Variants in ZFYVE16 observed in about 807,000 individuals in gnomAD.
ZFYVE16 encodes the protein zinc finger FYVE-type containing 16.
A neutral mutation model predicts 138.1 loss-of-function variants in ZFYVE16; 89 were observed. The ratio of observed to expected loss-of-function variants is 0.64; its 90% CI spans 0.54 to 0.77. ZFYVE16 has a LOEUF of 0.77. Ranked by LOEUF, ZFYVE16 falls within the 30% of genes least tolerant of loss-of-function variation. The probability of loss-of-function intolerance (pLI) is 0.00; values close to 1 mark genes in which losing one functional copy is unlikely to be tolerated. For synonymous variants in ZFYVE16, 596 were observed against 618.3 expected, an observed-to-expected ratio of 0.96 and a Z score of 0.53; for missense variants, 1,793 against 1,786.7, an observed-to-expected ratio of 1.00 and a Z score of -0.06.
intron 1 of ZFYVE16, among the ~76,000 whole-genome samples, chr5:80,419,771 G>C (rs1216412559): frequency 6.6e-6 from 1 of 151,992 alleles, no homozygotes; most frequent in African/African-American, 2.4e-5. Flanking sequence ...CAAGAATCTA[G>C]AGATCAGGTT....
chr5:80,422,206 T>C (rs979680534), intron 1 of ZFYVE16, among the ~76,000 whole-genome samples: 9 of 152,174 alleles, frequency 5.9e-5, no homozygotes, highest in African/African-American at 2.2e-4. Flanking sequence ...GCTGAGACAA[T>C]AGGGTTTTCT....
chr5:80,456,000 C>G lies in ZFYVE16; in HGVS notation c.3690+226C>G, dbSNP rs185100. The G allele has an allele frequency of 0.85, 384,520 of 452,258 alleles. 168,195 individuals are homozygous for G. The highest frequency in any genetic ancestry group is 0.95 in the East Asian group (21,380 of 22,486). 28.0% of individuals were successfully genotyped at this position (452,258 alleles called of 1,614,324 possible). On this transcript the variant is annotated intron_variant, in intron 12 of 18. Coordinates refer to ENST00000505560, the MANE Select transcript of ZFYVE16 (RefSeq NM_001284236.3). ...TGTACGTGTACCTGATTCTAAGTGCCTTTTGATTCATTCTCCTGCAGTTCT... is the reference window on the plus strand; with the variant it reads ...TGTACGTGTACCTGATTCTAAGTGCGTTTTGATTCATTCTCCTGCAGTTCT...
chr5:80,428,819 C>A lies in ZFYVE16; in HGVS notation c.-40+1274C>A, dbSNP rs368587194. On this transcript the variant is annotated intron_variant, in intron 2 of 18. Coordinates refer to ENST00000505560, the MANE Select transcript of ZFYVE16 (RefSeq NM_001284236.3). ...AACTACATGACAAATGCACAAGCTT[C>A]AGTAGCCGATTCGATCAACTGGAAG... 4.6e-5 allele frequency among the ~76,000 whole-genome samples: 7 copies of A among 152,280 alleles called. No homozygotes were observed. The East Asian group carries it at 1.4e-3, about 29-fold the overall frequency.
chr5:80,433,150 C>T (rs1248459842), intron 2 of ZFYVE16, among the ~76,000 whole-genome samples: 13 of 152,192 alleles, frequency 8.5e-5, no homozygotes, highest in South Asian at 4.2e-4. Flanking sequence ...ATGTTTATTG[C>T]GGCACTACTC....
intron 1 of ZFYVE16, among the ~76,000 whole-genome samples, chr5:80,427,026 A>G (rs1317721471): frequency 6.7e-6 from 1 of 148,982 alleles, no homozygotes; most frequent in Non-Finnish European, 1.5e-5. Flanking sequence ...TTTTATGTTC[A>G]TTGGCCATAT....
intron 15 of ZFYVE16, among the ~76,000 whole-genome samples, chr5:80,461,644 CAGAG>C (rs1357497852): frequency 2.0e-5 from 3 of 152,142 alleles, no homozygotes; most frequent in African/African-American, 2.4e-5. Flanking sequence ...GTGTGACTCT[CAGAG>C]AGAGCTCCAG....
At chr5:80,448,527 C>G in intron 8 of ZFYVE16, 123 bp downstream of exon 8, 1 of 924,968 alleles carries the variant, frequency 1.1e-6, no homozygotes, top group Non-Finnish European at 1.4e-6. Flanking sequence ...AGGCTGGTAA[C>G]TTTTGTTTAC....
In ZFYVE16 at chr5:80,479,011, C is replaced by T. The variant is rs577814071; in HGVS notation, c.*1634C>T. 1 of 152,258 alleles carries T rather than the reference C, an allele frequency of 6.6e-6. No individual in the cohort carries two copies. The highest frequency in any genetic ancestry group is 2.1e-4 in the South Asian group (1 of 4,824). The allele number at this position is 152,258 out of a possible 1,614,324, so 9.4% of individuals were successfully genotyped here. On this transcript the variant is annotated 3_prime_UTR_variant, in exon 19 of 19. Coordinates refer to ENST00000505560, the MANE Select transcript of ZFYVE16 (RefSeq NM_001284236.3). Reference sequence around the variant, plus strand: ...GTATTCTGCCATGTAAGTAATTGAACAGTCTTAAAATAACCAAATGGTAGA... The same window carrying T: ...GTATTCTGCCATGTAAGTAATTGAATAGTCTTAAAATAACCAAATGGTAGA...
At chr5:80,413,283 C>A (rs1745714860) in intron 1 of ZFYVE16, among the ~76,000 whole-genome samples, 1 of 151,850 alleles carries the variant, frequency 6.6e-6, no homozygotes, top group East Asian at 1.9e-4. Context: ...ACCAGCCTGA[C>A]CAATATGGAG....
At chr5:80,417,515 TG>T (rs759688696) in intron 1 of ZFYVE16, among the ~76,000 whole-genome samples, 11 of 152,218 alleles carry the variant, frequency 7.2e-5, no homozygotes, top group Non-Finnish European at 1.5e-4. Flanking sequence ...TTTAAACCAC[TG>T]GCTATCATTG....
At chr5:80,475,773 TTCAGGTTGTCCACA>T (rs1274576653) in intron 18 of ZFYVE16, among the ~76,000 whole-genome samples, 3 of 152,238 alleles carry the variant, frequency 2.0e-5, no homozygotes, top group Admixed American at 2.0e-4. Context: ...TTGATAGACA[TTCAGGTTGTCCACA>T]ATATTTTGCT....
chr5:80,439,096 T>G, intron 4 of ZFYVE16, 89 bp downstream of exon 4: 1 of 1,291,956 alleles, frequency 7.7e-7, no homozygotes, highest in Non-Finnish European at 1.1e-6. Context: ...GAACAGATAA[T>G]TACAAGATTG....
chr5:80,465,400 G>GTTTTTTTTTTCTTTTTTTTTTTTTTTTT (rs1753601956), intron 15 of ZFYVE16, among the ~76,000 whole-genome samples: 1 of 26,780 alleles, frequency 3.7e-5, no homozygotes, highest in Non-Finnish European at 7.4e-5. Flanking sequence ...CCTTTTCTTT[G>GTTTTTTTTTTCTTTTTTTTTTTTTTTTT]TTTTTTTTTT....
Position 80,450,462 on chromosome 5 carries a change from C to T in ZFYVE16, c.3258C>T (p.Thr1086=). 3 of 1,613,378 alleles carry T rather than the reference C, an allele frequency of 1.9e-6. No individual in the cohort carries two copies. Among genetic ancestry groups the T allele is most frequent in the South Asian group, 2.2e-5 (2 of 91,034 alleles). The change falls in exon 10 of 19, where the codon ACC becomes ACT. Residue 1086 remains threonine, a synonymous_variant. Transcript: ENST00000505560. ...CAGACAAATATTGGTACTTTTCAAC[C>T]AATGGATTGCATGGCTTGGGACAGG... ...YSSDKYWYFS[T]NGLHGLGQAE...
upstream of ZFYVE16, among the ~76,000 whole-genome samples, chr5:80,407,715 T>C (rs115545606): frequency 2.0e-5 from 3 of 152,192 alleles, no homozygotes; most frequent in Non-Finnish European, 4.4e-5. Flanking sequence ...AGCAAAGGGC[T>C]AAGGCTGGAG....
chr5:80,424,601 G>T (rs538924169), intron 1 of ZFYVE16, among the ~76,000 whole-genome samples: 28 of 151,660 alleles, frequency 1.8e-4, no homozygotes, highest in African/African-American at 6.5e-4. Flanking sequence ...AACTGGGATT[G>T]CAGGCATGCA....
rs1745617700 is a variant in ZFYVE16, at chr5:80,412,618, A to G, written c.-94+4465A>G. Among the ~76,000 whole-genome samples the G allele has an allele frequency of 2.6e-5, 4 of 152,116 alleles. No homozygotes were observed. In the South Asian group the frequency reaches 8.3e-4, roughly 32 times the overall value. Reference sequence around the variant, plus strand: ...CCTGAAATTACATAATGCTTAGTAGAGCATTGCTATATAGATAGGAATGTT... The same window carrying G: ...CCTGAAATTACATAATGCTTAGTAGGGCATTGCTATATAGATAGGAATGTT... On this transcript the variant is annotated intron_variant, in intron 1 of 18. Coordinates refer to ENST00000505560, the MANE Select transcript of ZFYVE16 (RefSeq NM_001284236.3).
intron 15 of ZFYVE16, among the ~76,000 whole-genome samples, chr5:80,470,061 A>G (rs947000674): frequency 4.3e-5 from 6 of 140,174 alleles, no homozygotes; most frequent in Admixed American, 4.2e-4. Flanking sequence ...GTGTGTATAT[A>G]TACGTGTGTG....
chr5:80,473,646 A>G (rs1027938552), intron 16 of ZFYVE16, 108 bp from the exon 17 acceptor site: 1 of 676,182 alleles, frequency 1.5e-6, no homozygotes. Context: ...TATAATTGAC[A>G]TATCTTCTTT....
Sources: gnomAD v4.1 joint callset for allele counts (sites outside exome capture counted in the v4.1 genomes callset) on GRCh38, gnomAD v4.1.1 for gene constraint, MANE v1.5 for transcripts, NCBI Gene and HGNC (gene_info 2026-07-23, HGNC 2026-07-21) for gene names.